The following MACROD2 variants were observed in gnomAD, a reference collection of about 807,000 sequenced individuals.
MACROD2 encodes mono-ADP ribosylhydrolase 2, also known as ADP-ribose glycohydrolase MACROD2.
MACROD2 carries 36 observed loss-of-function variants against 70.4 expected under a neutral mutation model. The ratio of observed to expected loss-of-function variants is 0.51; its 90% CI spans 0.39 to 0.68. The LOEUF is 0.68. Among genes scored for constraint, MACROD2 ranks in the 30% least tolerant of loss-of-function variants. The pLI, the probability that MACROD2 is intolerant of heterozygous loss-of-function variation, is 0.00. For missense variants in MACROD2, 496 were observed against 538.4 expected (o/e 0.92, Z 0.78); for synonymous variants, 172 against 178.8 (o/e 0.96, Z 0.30).
At position 14,711,009 on chromosome 20, in the gene MACROD2, C is replaced by T. The variant is rs1380338168; in HGVS notation, c.418+26050C>T. 2.6e-5 allele frequency among the ~76,000 whole-genome samples: 4 copies of T among 152,290 alleles called. No individual in the cohort carries two copies. In the East Asian group the frequency reaches 7.7e-4, roughly 29 times the overall value. ...GGCATCTCCGAAATGGAGATATTTT[C>T]CTATCAGGTGTATTGGAGTTAAAAT... On this transcript the variant is annotated intron_variant, in intron 5 of 17. Transcript: ENST00000684519.
intron 3 of MACROD2, among the ~76,000 whole-genome samples, chr20:14,176,685 A>G (rs2081265709): frequency 6.6e-6 from 1 of 152,134 alleles, no homozygotes; most frequent in Admixed American, 6.5e-5. Flanking sequence ...ACTTTTAATT[A>G]TGTTTTAAAT....
rs3840075 is a variant in MACROD2, at chr20:14,847,644, TA to T, written c.418+162694del. Among the ~76,000 whole-genome samples, 28 of 151,486 alleles carry T rather than the reference TA, an allele frequency of 1.8e-4. 1 individual carries two copies. The highest frequency in any genetic ancestry group is 3.4e-3 in the Middle Eastern group (1 of 294). ...TTGGTAAGATGACAGTCCCCCCTTTTAAAAAAAAATTGTTCATTAGTTTTAT... is the reference window on the plus strand; with the variant it reads ...TTGGTAAGATGACAGTCCCCCCTTTTAAAAAAAATTGTTCATTAGTTTTAT... On this transcript the variant is annotated intron_variant, in intron 5 of 17. Coordinates refer to ENST00000684519, the MANE Select transcript of MACROD2 (RefSeq NM_001351661.2).
intron 4 of MACROD2, among the ~76,000 whole-genome samples, chr20:14,543,385 C>CT (rs2085456101): frequency 6.6e-6 from 1 of 152,168 alleles, no homozygotes; most frequent in African/African-American, 2.4e-5. Context: ...TCCCTGGTCT[C>CT]TTTAAGTTTT....
At chr20:14,319,334 C>G (rs1416823225) in intron 3 of MACROD2, among the ~76,000 whole-genome samples, 1 of 152,172 alleles carries the variant, frequency 6.6e-6, no homozygotes, top group Non-Finnish European at 1.5e-5. Flanking sequence ...TTAGGCCGCA[C>G]CTCTTGGGCA....
chr20:15,649,003 T>C (rs995295596), intron 8 of MACROD2, among the ~76,000 whole-genome samples: 1 of 151,970 alleles, frequency 6.6e-6, no homozygotes, highest in Admixed American at 6.6e-5. Context: ...TAGCTTGTTT[T>C]AGAAGCTGAA....
At chr20:15,223,854 A>T (rs1416245582) in intron 5 of MACROD2, among the ~76,000 whole-genome samples, 2 of 152,164 alleles carry the variant, frequency 1.3e-5, no homozygotes, top group South Asian at 2.1e-4. Context: ...GATCTTTGTG[A>T]CATTGGCAAC....
intron 3 of MACROD2, among the ~76,000 whole-genome samples, chr20:14,383,973 C>G (rs1333328977): frequency 6.6e-6 from 1 of 151,956 alleles, no homozygotes; most frequent in Non-Finnish European, 1.5e-5. Flanking sequence ...AAATACAAAT[C>G]TCTTATAATT....
At chr20:14,023,475 A>T (rs576306941) in intron 2 of MACROD2, among the ~76,000 whole-genome samples, 3 of 152,208 alleles carry the variant, frequency 2.0e-5, no homozygotes, top group Non-Finnish European at 4.4e-5. Context: ...GCCTTTGCCC[A>T]TGCCTATGTC....
At chr20:15,907,124 C>G (rs1157458209) in intron 10 of MACROD2, among the ~76,000 whole-genome samples, 3 of 152,184 alleles carry the variant, frequency 2.0e-5, no homozygotes, top group Non-Finnish European at 4.4e-5. Flanking sequence ...AACGCCTTAG[C>G]CTTGGTACCC....
At chr20:14,107,798 C>T (rs2054390754) in intron 3 of MACROD2, among the ~76,000 whole-genome samples, 1 of 152,086 alleles carries the variant, frequency 6.6e-6, no homozygotes, top group South Asian at 2.1e-4. Flanking sequence ...AAATATCCTT[C>T]AAGCATGAAG....
intron 8 of MACROD2, among the ~76,000 whole-genome samples, chr20:15,638,030 A>G (rs923148586): frequency 2.3e-5 from 3 of 130,040 alleles, no homozygotes; most frequent in Admixed American, 1.6e-4. Context: ...GAAGGCCCAG[A>G]ATTTTTTTTT....
At chr20:14,865,000 C>T (rs1156753001) in intron 5 of MACROD2, among the ~76,000 whole-genome samples, 1 of 152,060 alleles carries the variant, frequency 6.6e-6, no homozygotes, top group African/African-American at 2.4e-5. Flanking sequence ...CTCATATATA[C>T]GTAGGCAGAA....
At chr20:14,643,114 T>G (rs189315595) in intron 4 of MACROD2, among the ~76,000 whole-genome samples, 5 of 152,314 alleles carry the variant, frequency 3.3e-5, no homozygotes, top group Non-Finnish European at 2.9e-5. Context: ...CTTACATGTT[T>G]TATATGTGAA....
At chr20:14,645,238 A>G (rs1020755705) in intron 4 of MACROD2, among the ~76,000 whole-genome samples, 29 of 152,250 alleles carry the variant, frequency 1.9e-4, no homozygotes, top group African/African-American at 6.7e-4. Context: ...TTTATTAAAC[A>G]TATTTACAAA....
chr20:15,720,274 C>G (rs1490089194), intron 8 of MACROD2, among the ~76,000 whole-genome samples: 2 of 152,274 alleles, frequency 1.3e-5, no homozygotes, highest in East Asian at 1.9e-4. Context: ...AGGCAGACAT[C>G]GCTTTGACAC....
chr20:16,013,622 G>A (rs1446953945), intron 15 of MACROD2, among the ~76,000 whole-genome samples: 1 of 152,170 alleles, frequency 6.6e-6, no homozygotes, highest in South Asian at 2.1e-4. Context: ...ACAGTGCTCT[G>A]ACTCTCCATG....
chr20:14,466,367 C>T (rs1378685421), intron 3 of MACROD2, among the ~76,000 whole-genome samples: 1 of 151,940 alleles, frequency 6.6e-6, no homozygotes, highest in Non-Finnish European at 1.5e-5. Flanking sequence ...GTTTTTGTGC[C>T]TTGGTTTTCA....
At chr20:14,472,497 A>C (rs189520667) in intron 3 of MACROD2, among the ~76,000 whole-genome samples, 163 of 152,304 alleles carry the variant, frequency 1.1e-3, no homozygotes, top group African/African-American at 3.5e-3. Context: ...GAAATAGCCT[A>C]TTTATTAATG....
At chr20:15,131,956 G>T (rs948634069) in intron 5 of MACROD2, among the ~76,000 whole-genome samples, 5 of 151,798 alleles carry the variant, frequency 3.3e-5, no homozygotes, top group Admixed American at 1.3e-4. Context: ...CATGAAAAAA[G>T]AAATCCCATC....
Sources: gnomAD v4.1 joint callset for allele counts (sites outside exome capture counted in the v4.1 genomes callset) on GRCh38, gnomAD v4.1.1 for gene constraint, MANE v1.5 for transcripts, NCBI Gene and HGNC (gene_info 2026-07-23, HGNC 2026-07-21) for gene names.